PRLR: variants seen among roughly 807,000 people sequenced by gnomAD.
The protein encoded by PRLR is hPRL receptor.
A neutral mutation model predicts 40.2 loss-of-function variants in PRLR; 13 were observed. The observed-to-expected ratio is 0.32, with a 90% CI of 0.21 to 0.51. The LOEUF is 0.51. PRLR is among the 20% of genes least tolerant of loss of function. The probability of loss-of-function intolerance (pLI) is 0.97; values close to 1 mark genes in which losing one functional copy is unlikely to be tolerated. For missense variants in PRLR, 656 were observed against 747.3 expected (o/e 0.88, Z 1.42); for synonymous variants, 269 against 278.7 (o/e 0.97, Z 0.35).
intron 1 of PRLR, among the ~76,000 whole-genome samples, chr5:35,161,848 A>G (rs1368626898): frequency 6.6e-6 from 1 of 152,268 alleles, no homozygotes; most frequent in Non-Finnish European, 1.5e-5. Flanking sequence ...TGCACAGAAG[A>G]TAATTTTACA....
chr5:35,112,935 T>C (rs1462503423), intron 2 of PRLR, among the ~76,000 whole-genome samples: 9 of 152,196 alleles, frequency 5.9e-5, no homozygotes, highest in Non-Finnish European at 1.3e-4. Context: ...GAGGCTGGTC[T>C]GGGAGTGGGG....
intron 1 of PRLR, among the ~76,000 whole-genome samples, chr5:35,188,385 G>A (rs1056444277): frequency 3.3e-5 from 5 of 152,332 alleles, no homozygotes; most frequent in African/African-American, 1.2e-4. Flanking sequence ...ATCAGCCCAC[G>A]TTGCACATTC....
chr5:35,182,573 C>T (rs2111981462), intron 1 of PRLR, among the ~76,000 whole-genome samples: 1 of 152,308 alleles, frequency 6.6e-6, no homozygotes, highest in East Asian at 1.9e-4. Context: ...GATGGAGCTG[C>T]TTTATTTCAC....
intron 5 of PRLR, among the ~76,000 whole-genome samples, chr5:35,082,944 T>C (rs181796256): frequency 1.3e-5 from 2 of 152,310 alleles, no homozygotes; most frequent in African/African-American, 4.8e-5. Context: ...TTTAAACATA[T>C]TACTTTTCTT....
chr5:35,189,213 T>C (rs950805202), intron 1 of PRLR, among the ~76,000 whole-genome samples: 2 of 152,170 alleles, frequency 1.3e-5, no homozygotes, highest in African/African-American at 2.4e-5. Flanking sequence ...GCACAGATTC[T>C]TCCTCACAGT....
chr5:35,121,508 A>G (rs1773290979), intron 1 of PRLR, among the ~76,000 whole-genome samples: 1 of 152,166 alleles, frequency 6.6e-6, no homozygotes, highest in South Asian at 2.1e-4. Context: ...GACTAATTGT[A>G]CTAATTTGTC....
At chr5:35,101,122 A>G (rs11740440) in intron 2 of PRLR, among the ~76,000 whole-genome samples, 59,266 of 152,082 alleles carry the variant, frequency 0.39, 14,253 homozygotes, top group Non-Finnish European at 0.55. Context: ...CGTCTGGAAT[A>G]CCATCATCAA....
intron 2 of PRLR, among the ~76,000 whole-genome samples, chr5:35,114,327 G>T (rs1206346800): frequency 1.2e-4 from 18 of 152,222 alleles, no homozygotes. Context: ...GTGTCGAGAG[G>T]GTCACATGTG....
intron 5 of PRLR, among the ~76,000 whole-genome samples, chr5:35,079,943 T>A (rs1379380186): frequency 6.6e-6 from 1 of 152,194 alleles, no homozygotes; most frequent in Non-Finnish European, 1.5e-5. Flanking sequence ...GGGGAAAGGA[T>A]TCCCTATTTA....
downstream of PRLR, among the ~76,000 whole-genome samples, chr5:35,055,409 A>G (rs1017784406): frequency 3.9e-5 from 6 of 152,156 alleles, no homozygotes; most frequent in Middle Eastern, 3.2e-3. Flanking sequence ...AGACTGGGGA[A>G]ATGTGTGTTC....
At chr5:35,117,650 G>T (rs535410187) in intron 2 of PRLR, among the ~76,000 whole-genome samples, 3 of 152,180 alleles carry the variant, frequency 2.0e-5, no homozygotes, top group East Asian at 3.8e-4. Context: ...GGCCCAGAAA[G>T]TTGTGGCAAG....
At chr5:35,154,774 T>G (rs1269173131) in intron 1 of PRLR, among the ~76,000 whole-genome samples, 1 of 151,964 alleles carries the variant, frequency 6.6e-6, no homozygotes, top group Non-Finnish European at 1.5e-5. Context: ...ATAAAGAAAA[T>G]GTGGTACGTA....
chr5:35,168,545 C>G (rs891174556), intron 1 of PRLR, among the ~76,000 whole-genome samples: 6 of 151,804 alleles, frequency 4.0e-5, no homozygotes, highest in African/African-American at 1.2e-4. Flanking sequence ...CAATATCAGA[C>G]AAGTAACTAA....
At chr5:35,214,879 T>C (rs547477554) in intron 1 of PRLR, among the ~76,000 whole-genome samples, 1 of 152,266 alleles carries the variant, frequency 6.6e-6, no homozygotes, top group Admixed American at 6.5e-5. Flanking sequence ...CAAATAACAA[T>C]GCCATCTTAA....
intron 1 of PRLR, among the ~76,000 whole-genome samples, chr5:35,185,075 T>C (rs1260224399): frequency 6.6e-6 from 1 of 152,268 alleles, no homozygotes; most frequent in African/African-American, 2.4e-5. Context: ...AAGCATCCTT[T>C]AGCTTTCAGC....
At chr5:35,163,272 C>T (rs1346380201) in intron 1 of PRLR, among the ~76,000 whole-genome samples, 1 of 152,102 alleles carries the variant, frequency 6.6e-6, no homozygotes, top group East Asian at 1.9e-4. Flanking sequence ...TTTTCATGGC[C>T]GTGCGACAAG....
chr5:35,093,431 T>C (rs1239315745), intron 2 of PRLR, among the ~76,000 whole-genome samples: 1 of 152,202 alleles, frequency 6.6e-6, no homozygotes, highest in Non-Finnish European at 1.5e-5. Flanking sequence ...TACCATTCTG[T>C]GGAACTTGCT....
chr5:35,182,154 T>C (rs767736432), intron 1 of PRLR, among the ~76,000 whole-genome samples: 7 of 152,142 alleles, frequency 4.6e-5, no homozygotes, highest in Non-Finnish European at 1.0e-4. Context: ...TTTGCTAAAT[T>C]TAACCACCAT....
intron 1 of PRLR, among the ~76,000 whole-genome samples, chr5:35,177,221 T>C (rs1053879261): frequency 5.9e-5 from 9 of 152,118 alleles, no homozygotes; most frequent in African/African-American, 2.2e-4. Flanking sequence ...ATCCTCCATA[T>C]GCTGAACGCT....
Sources: gnomAD v4.1 joint callset for allele counts (sites outside exome capture counted in the v4.1 genomes callset) on GRCh38, gnomAD v4.1.1 for gene constraint, MANE v1.5 for transcripts, NCBI Gene and HGNC (gene_info 2026-07-23, HGNC 2026-07-21) for gene names.